The following NRXN3 variants were observed in gnomAD, a reference collection of about 807,000 sequenced individuals.
NRXN3 encodes neurexin 3.
In NRXN3, 32 loss-of-function variants were observed where a neutral mutation model predicts 137.6. That is an observed-to-expected ratio of 0.23 (90% CI 0.18 to 0.31). NRXN3 has a LOEUF of 0.31. Ranked by LOEUF, NRXN3 falls within the 10% of genes least tolerant of loss-of-function variation. The pLI is 1.00. For missense variants in NRXN3, 1,574 were observed against 2,062.5 expected (o/e 0.76, Z 4.59); for synonymous variants, 798 against 784.5 (o/e 1.02, Z -0.29).
At chr14:79,679,219 G>A (rs1299590426) in intron 17 of NRXN3, among the ~76,000 whole-genome samples, 1 of 151,420 alleles carries the variant, frequency 6.6e-6, no homozygotes, top group Non-Finnish European at 1.5e-5. Context: ...CTTTCATTTG[G>A]GATATTTATA....
Position 78,548,378 on chromosome 14 carries a change from G to A in NRXN3, c.758-96742G>A, listed in dbSNP as rs149617957. Among the ~76,000 whole-genome samples the A allele has an allele frequency of 4.8e-4, 73 of 152,258 alleles. 1 individual carries two copies. Among genetic ancestry groups the A allele is most frequent in the African/African-American group, 1.7e-3 (70 of 41,544 alleles). On this transcript the variant is annotated intron_variant, in intron 4 of 20. Coordinates refer to ENST00000335750, the MANE Select transcript of NRXN3 (RefSeq NM_001330195.2). The stretch of plus-strand genomic sequence containing the variant: ...AGCTATAGGTTGGATCATTTCCCAT[G>A]ACTTGGACAGGGAGATAAAAGCTTC...
chr14:79,226,914 C>G (rs778762861), intron 15 of NRXN3, among the ~76,000 whole-genome samples: 46 of 145,650 alleles, frequency 3.2e-4, no homozygotes, highest in Non-Finnish European at 5.4e-4. Context: ...CTCCCAGGTT[C>G]AAGCAATTCT....
intron 4 of NRXN3, among the ~76,000 whole-genome samples, chr14:78,642,122 TGACAA>T (rs2097641110): frequency 6.6e-6 from 1 of 152,172 alleles, no homozygotes; most frequent in African/African-American, 2.4e-5. Context: ...CTGTGGCCTT[TGACAA>T]GACAAGTAGG....
In NRXN3 at chr14:78,988,002, CT is replaced by C; in HGVS notation, c.3143-19del. 1 of 1,593,452 alleles carries C rather than the reference CT, an allele frequency of 6.3e-7. No individual in the cohort carries two copies. Among genetic ancestry groups the C allele is most frequent in the Middle Eastern group, 1.7e-4 (1 of 5,928 alleles). On this transcript the variant is annotated intron_variant, in intron 14 of 20. Transcript: ENST00000335750. The stretch of plus-strand genomic sequence containing the variant: ...TCTCTCTCCTTTTTCTTTTTTTCCC[CT>C]CTTCTTGTGCATTACTAGGACCCAG...
At chr14:79,554,316 G>A (rs1215143160) in intron 16 of NRXN3, among the ~76,000 whole-genome samples, 1 of 152,104 alleles carries the variant, frequency 6.6e-6, no homozygotes, top group African/African-American at 2.4e-5. Context: ...TGGAAACTAC[G>A]GTTGCTGAAA....
intron 4 of NRXN3, among the ~76,000 whole-genome samples, chr14:78,559,510 C>T (rs912855059): frequency 1.3e-5 from 2 of 152,150 alleles, no homozygotes; most frequent in African/African-American, 4.8e-5. Flanking sequence ...GATATATTCC[C>T]AAAAGTGGTG....
intron 20 of NRXN3, among the ~76,000 whole-genome samples, chr14:79,821,938 G>C (rs2099273961): frequency 6.6e-6 from 1 of 152,090 alleles, no homozygotes; most frequent in East Asian, 1.9e-4. Context: ...TATATCCAAA[G>C]ATTTCTATTT....
intron 6 of NRXN3, among the ~76,000 whole-genome samples, chr14:78,697,086 G>A (rs557371785): frequency 1.3e-5 from 2 of 152,198 alleles, no homozygotes; most frequent in South Asian, 4.1e-4. Flanking sequence ...TCACGTTTGA[G>A]ATGTGAAATT....
chr14:79,805,255 A>G, intron 20 of NRXN3, 65 bp downstream of exon 20: 1 of 1,095,810 alleles, frequency 9.1e-7, no homozygotes, highest in East Asian at 2.4e-5. Flanking sequence ...ATACATACAT[A>G]TATGTGATTA....
intron 4 of NRXN3, among the ~76,000 whole-genome samples, chr14:78,599,811 A>T (rs1223116656): frequency 6.6e-6 from 1 of 152,194 alleles, no homozygotes; most frequent in Non-Finnish European, 1.5e-5. Context: ...GGTTAAATGG[A>T]TAGGGAAAAA....
intron 19 of NRXN3, among the ~76,000 whole-genome samples, chr14:79,766,033 A>T (rs1286237148): frequency 6.6e-6 from 1 of 152,228 alleles, no homozygotes; most frequent in Non-Finnish European, 1.5e-5. Context: ...ATTTTTTAAC[A>T]TATAGCATAC....
rs545322372 is a variant in NRXN3, at chr14:78,564,606, A to G, written c.758-80514A>G. 2.1e-4 allele frequency among the ~76,000 whole-genome samples: 32 copies of G among 152,270 alleles called. No homozygotes were observed. In the East Asian group the frequency reaches 6.2e-3, roughly 29 times the overall value. On this transcript the variant is annotated intron_variant, in intron 4 of 20. Transcript: ENST00000335750. ...TATGGGTTAGAAACTTATGTATTGT[A>G]CCTTTCCTTCTTGGAATCAAGTCCT...
At chr14:78,627,811 A>G (rs1028354308) in intron 4 of NRXN3, among the ~76,000 whole-genome samples, 2 of 152,224 alleles carry the variant, frequency 1.3e-5, no homozygotes, top group Non-Finnish European at 2.9e-5. Flanking sequence ...GATAATATCT[A>G]GAATTCATCT....
At chr14:79,391,798 A>T (rs528508298) in intron 15 of NRXN3, among the ~76,000 whole-genome samples, 1 of 152,300 alleles carries the variant, frequency 6.6e-6, no homozygotes, top group African/African-American at 2.4e-5. Context: ...CTACAAAGTG[A>T]TTGCATATGC....
chr14:78,786,371 C>T (rs1235147224), intron 8 of NRXN3, among the ~76,000 whole-genome samples: 2 of 152,128 alleles, frequency 1.3e-5, no homozygotes, highest in Admixed American at 6.6e-5. Flanking sequence ...TATATAGCAT[C>T]CAACAGTCAT....
At chr14:78,964,784 CTT>C (rs370721008) in intron 11 of NRXN3, among the ~76,000 whole-genome samples, 17 of 151,438 alleles carry the variant, frequency 1.1e-4, no homozygotes, top group Non-Finnish European at 2.9e-5. Flanking sequence ...TTTCCAGTCT[CTT>C]TGTATTTTTT....
At chr14:78,990,897 A>G (rs10151063) in intron 15 of NRXN3, among the ~76,000 whole-genome samples, 7,209 of 152,282 alleles carry the variant, frequency 0.047, 621 homozygotes, top group African/African-American at 0.17. Context: ...CAGTCTCACT[A>G]TATCATAGAC....
At position 78,243,767 on chromosome 14, in the gene NRXN3, C is replaced by T; in HGVS notation, c.674C>T (p.Ser225Phe). The change falls in exon 2 of 21, where the codon TCT becomes TTT. Residue 225 changes from serine (S) to phenylalanine (F), a missense_variant. Ser to Phe is a radical substitution (Grantham distance 155). This residue lies in a region of NRXN3 where 400 missense variants were observed against 527.3 expected (regional missense o/e 0.76). Transcript: ENST00000335750. The surrounding 1 kb of genome is among the most constrained non-coding windows in gnomAD (Gnocchi z 4.2). ...LLDGHPTCDC[S>F]TTGYGGKLCS... is the part of the protein sequence containing the mutation. ...GACGGCCACCCCACCTGTGACTGTT[C>T]TACCACTGGCTATGGTGGCAAGCTC... is the stretch of plus-strand genomic sequence containing the variant. 1.3e-6 allele frequency: 2 copies of T among 1,593,362 alleles called. No homozygotes were observed. The highest frequency in any genetic ancestry group is 1.7e-6 in the Non-Finnish European group (2 of 1,176,998).
chr14:78,679,966 T>G (rs2098056361), intron 6 of NRXN3, among the ~76,000 whole-genome samples: 2 of 152,118 alleles, frequency 1.3e-5, no homozygotes, highest in African/African-American at 4.8e-5. Flanking sequence ...GCTCTTTGGT[T>G]TTGACATTTA....
Sources: allele counts gnomAD v4.1 joint callset (sites outside exome capture counted in the v4.1 genomes callset), GRCh38; gene constraint gnomAD v4.1.1; regional missense constraint gnomAD v4.1.1; non-coding constraint Gnocchi (gnomAD v3.1); transcripts MANE v1.5; gene names NCBI Gene and HGNC (gene_info 2026-07-23, HGNC 2026-07-21).